The following ECE2 variants were observed in gnomAD, a reference collection of about 807,000 sequenced individuals.
ECE2 encodes the protein endothelin converting enzyme 2.
Under a neutral mutation model 100.6 loss-of-function variants are expected in ECE2, and 81 were observed. That is an observed-to-expected ratio of 0.81 (90% CI 0.67 to 0.97). The LOEUF (loss-of-function observed/expected upper bound fraction) is 0.97, where lower values mean the gene tolerates loss of function less well. Ranked by LOEUF, ECE2 falls within the 50% of genes least tolerant of loss-of-function variation. The pLI, the probability that ECE2 is intolerant of heterozygous loss-of-function variation, is 0.00. For synonymous variants in ECE2, 391 were observed against 391.5 expected, an observed-to-expected ratio of 1.00 and a Z score of 0.02; for missense variants, 911 against 988.1, an observed-to-expected ratio of 0.92 and a Z score of 1.05.
intron 2 of ECE2, 40 bp from the exon 3 acceptor site, chr3:184,276,852 C>T: frequency 1.2e-6 from 2 of 1,609,076 alleles, no homozygotes; most frequent in Non-Finnish European, 1.7e-6. Context: ...GGATCCCTGC[C>T]CTGCATCTCA....
chr3:184,283,224 C>T (rs1720878226), intron 7 of ECE2, among the ~76,000 whole-genome samples: 1 of 152,130 alleles, frequency 6.6e-6, no homozygotes, highest in Non-Finnish European at 1.5e-5. Flanking sequence ...TCTGCTGGAA[C>T]TCACCTTCTC....
intron 9 of ECE2, 73 bp downstream of exon 9, chr3:184,285,178 C>G (rs1324559014): frequency 1.3e-6 from 2 of 1,548,044 alleles, no homozygotes; most frequent in African/African-American, 2.8e-5. Context: ...TGGACAGGCC[C>G]AGCCACACAG....
intron 7 of ECE2, among the ~76,000 whole-genome samples, chr3:184,282,513 A>G (rs1720853507): frequency 6.6e-6 from 1 of 152,126 alleles, no homozygotes; most frequent in Admixed American, 6.5e-5. Flanking sequence ...CTGTTATTCA[A>G]CAGATATTTA....
intron 10 of ECE2, among the ~76,000 whole-genome samples, chr3:184,285,932 G>A (rs115052995): frequency 1.3e-4 from 20 of 152,356 alleles, no homozygotes; most frequent in African/African-American, 4.8e-4. Flanking sequence ...GGAGGATGGA[G>A]AGGATATAAT....
intron 3 of ECE2, 81 bp downstream of exon 3, chr3:184,277,108 G>A: frequency 1.2e-6 from 2 of 1,602,992 alleles, no homozygotes; most frequent in South Asian, 2.2e-5. Flanking sequence ...TTCACTTGTG[G>A]GAACCAAGCC....
Position 184,291,064 on chromosome 3 carries a change from A to C in ECE2, c.1859A>C (p.Asn620Thr). ...DQGREYDKEG[N>T]LRPWWQNESL... ...GGGCGCGAGTATGACAAAGAAGGGA[A>C]CCTGCGGCCCTGGTGGCAGAATGAG... The change falls in exon 17 of 19, where the codon AAC becomes ACC. Residue 620 changes from asparagine (N) to threonine (T), a missense_variant. Coordinates refer to ENST00000404464, the MANE Select transcript of ECE2 (RefSeq NM_001100121.2). This position sits in a 1 kb window ranked among gnomAD's most constrained non-coding sequence, Gnocchi z 4.1. The C allele has an allele frequency of 6.3e-7, 1 of 1,576,080 alleles. No homozygotes were observed.
rs778040509 is a variant in ECE2, at chr3:184,291,480, C to G, written c.2121+41C>G. On this transcript the variant is annotated intron_variant, in intron 18 of 18. Transcript: ENST00000404464. The surrounding 1 kb of genome is among the most constrained non-coding windows in gnomAD (Gnocchi z 4.1). ...AAGGCCTGGGGTCTGCCCCTTTGTC[C>G]TGCTCCCTCCTGAGTATGTCATTAG... 7.8e-5 allele frequency: 117 copies of G among 1,505,956 alleles called. No individual in the cohort carries two copies. Among genetic ancestry groups the G allele is most frequent in the Non-Finnish European group, 1.0e-4 (114 of 1,120,386 alleles). The allele number at this position is 1,505,956 out of a possible 1,614,324, so 93.3% of individuals were successfully genotyped here. A position where few individuals can be genotyped will look rare whatever the true frequency, so the allele number is the denominator to read the frequency against.
chr3:184,290,176 T>C (rs1721243203), intron 13 of ECE2, 79 bp from the exon 14 acceptor site: 4 of 1,161,514 alleles, frequency 3.4e-6, no homozygotes. Context: ...GGAGAGATAC[T>C]AATGAGTAGC....
intron 8 of ECE2, 31 bp from the exon 9 acceptor site, chr3:184,284,932 G>A (rs768096805): frequency 5.6e-6 from 9 of 1,605,960 alleles, no homozygotes; most frequent in Non-Finnish European, 7.7e-6. Flanking sequence ...AGCGAGTCGG[G>A]CAGGCAAGGC....
Position 184,290,602 on chromosome 3 carries a change from T to C in ECE2, c.1701T>C (p.Thr567=). Residue 567 remains threonine (T), a synonymous_variant, in exon 15 of 19, where the codon ACT becomes ACC. Coordinates refer to ENST00000404464, the MANE Select transcript of ECE2 (RefSeq NM_001100121.2). The part of the protein sequence containing the change: ...PQTVNAYYLP[T]KNEIVFPAGI... ...CAGTGAATGCCTACTACCTTCCAACTAAGAATGAGATCGTCTTCCCCGCTG... is the reference window on the plus strand; with the variant it reads ...CAGTGAATGCCTACTACCTTCCAACCAAGAATGAGATCGTCTTCCCCGCTG... 6.2e-7 allele frequency: 1 copy of C among 1,614,122 alleles called. No individual in the cohort carries two copies. Among genetic ancestry groups the C allele is most frequent in the South Asian group, 1.1e-5 (1 of 91,080 alleles).
chr3:184,278,620 C>A (rs1720680654), intron 7 of ECE2, 63 bp downstream of exon 7: 1 of 1,582,216 alleles, frequency 6.3e-7, no homozygotes, highest in Non-Finnish European at 8.7e-7. Flanking sequence ...TCCCTGTTGA[C>A]TTTTCCCTTT....
chr3:184,290,316 A>T lies in ECE2; in HGVS notation c.1613A>T (p.Lys538Met). Residue 538 changes from lysine (K) to methionine (M), a missense_variant, in exon 14 of 19, where the codon AAG (lysine) becomes ATG (methionine). By Grantham distance (95) the Lys-to-Met change is moderately conservative. Transcript: ENST00000404464. ...TTGAATTTGTACAACTTCTCTGCCAAGGTTATGGCTGACCAGCTCCGCAAG... is the reference window on the plus strand; with the variant it reads ...TTGAATTTGTACAACTTCTCTGCCATGGTTATGGCTGACCAGCTCCGCAAG... ...NMLNLYNFSA[K>M]VMADQLRKPP... 1 of 1,613,994 alleles carries T rather than the reference A, an allele frequency of 6.2e-7. No individual in the cohort carries two copies. Among genetic ancestry groups the T allele is most frequent in the Non-Finnish European group, 8.5e-7 (1 of 1,180,000 alleles).
In ECE2 at chr3:184,276,724, G is replaced by A. The variant is rs535617238; in HGVS notation, c.126+157G>A. The stretch of plus-strand genomic sequence containing the variant: ...GACTATGGTGAGGCGATGCTAAGCC[G>A]TGACGTTGCACAAAACAGACTCAAG... On this transcript the variant is annotated intron_variant, in intron 2 of 18. Transcript: ENST00000404464. The A allele has an allele frequency of 5.8e-6, 9 of 1,542,056 alleles. No individual in the cohort carries two copies. The East Asian group carries it at 9.2e-5, about 16-fold the overall frequency.
chr3:184,292,891 T>C lies in ECE2; in HGVS notation c.*653T>C, dbSNP rs1220635417. 1 of 152,408 alleles carries C rather than the reference T, an allele frequency of 6.6e-6. No homozygotes were observed. The highest frequency in any genetic ancestry group is 1.5e-5 in the Non-Finnish European group (1 of 68,234). The allele number at this position is 152,408 out of a possible 1,614,324, so 9.4% of individuals were successfully genotyped here. On this transcript the variant is annotated 3_prime_UTR_variant, in exon 19 of 19. Transcript: ENST00000404464. The stretch of plus-strand genomic sequence containing the variant: ...TAGGGCACAAGCCTTAGCAAATGAT[T>C]GATTCTCCCTGGACAAAGCAGGAAA...
At chr3:184,279,073 G>A (rs552938547) in intron 7 of ECE2, among the ~76,000 whole-genome samples, 5 of 152,260 alleles carry the variant, frequency 3.3e-5, no homozygotes, top group Middle Eastern at 3.4e-3. Context: ...ACTTTGGGAG[G>A]CCGAGGTGGG....
chr3:184,291,349 C>T lies in ECE2; in HGVS notation c.2031C>T (p.Tyr677=), dbSNP rs1225814474. The change falls in exon 18 of 19, where the codon TAC becomes TAT. Residue 677 remains tyrosine (Y), a synonymous_variant. Coordinates refer to ENST00000404464, the MANE Select transcript of ECE2 (RefSeq NM_001100121.2). The surrounding 1 kb of genome is among the most constrained non-coding windows in gnomAD (Gnocchi z 4.1). ...NGGLKAAYNA[Y]KAWLRKHGEE... ...GCCCACTGTTCTGTCCCCAGGCTTACAAAGCATGGCTGAGAAAGCATGGGG... is the reference window on the plus strand; with the variant it reads ...GCCCACTGTTCTGTCCCCAGGCTTATAAAGCATGGCTGAGAAAGCATGGGG... 3 of 1,606,688 alleles carry T rather than the reference C, an allele frequency of 1.9e-6. No individual in the cohort carries two copies. The highest frequency in any genetic ancestry group is 1.3e-5 in the African/African-American group (1 of 74,944).
chr3:184,278,784 T>C (rs1365682278), intron 7 of ECE2: 5 of 575,386 alleles, frequency 8.7e-6, no homozygotes, highest in South Asian at 2.2e-5. Flanking sequence ...CATAGACACC[T>C]ACTGTGTGCC....
chr3:184,284,585 G>A (rs1720953502), intron 8 of ECE2, among the ~76,000 whole-genome samples: 1 of 152,088 alleles, frequency 6.6e-6, no homozygotes, highest in Admixed American at 6.6e-5. Flanking sequence ...TTTCCACTGG[G>A]GGACCCGTAC....
At position 184,277,349 on chromosome 3, in the gene ECE2, T is replaced by G. The variant is rs781689297; in HGVS notation, c.361T>G (p.Tyr121Asp). Reference protein sequence around the residue: ...DRGVSPCEDFYQFSCGGWIRR... With the variant: ...DRGVSPCEDFDQFSCGGWIRR... ...AGGGGTGAGCCCCTGTGAGGACTTT[T>G]ACCAGTTCTCCTGTGGGGGCTGGAT... The change falls in exon 4 of 19, where the codon TAC (tyrosine) becomes GAC (aspartate). Residue 121 changes from tyrosine (Y) to aspartate (D), a missense_variant. Transcript: ENST00000404464. 5.0e-6 allele frequency: 8 copies of G among 1,614,112 alleles called. No individual in the cohort carries two copies. In the Admixed American group the frequency reaches 1.3e-4, roughly 27 times the overall value.
Sources: allele counts gnomAD v4.1 joint callset (sites outside exome capture counted in the v4.1 genomes callset), GRCh38; gene constraint gnomAD v4.1.1; non-coding constraint Gnocchi (gnomAD v3.1); transcripts MANE v1.5; gene names NCBI Gene and HGNC (gene_info 2026-07-23, HGNC 2026-07-21).